Variants in TECRL observed in about 807,000 individuals in gnomAD.
TECRL encodes the protein trans-2,3-enoyl-CoA reductase like.
Under a neutral mutation model 52.8 loss-of-function variants are expected in TECRL, and 63 were observed. The ratio of observed to expected loss-of-function variants is 1.19; its 90% CI spans 0.97 to 1.47. The LOEUF (loss-of-function observed/expected upper bound fraction) is 1.47, where lower values mean the gene tolerates loss of function less well. Ranked by LOEUF, TECRL falls within the 40% of genes most tolerant of loss-of-function variation. The probability of loss-of-function intolerance (pLI) is 0.00; values close to 1 mark genes in which losing one functional copy is unlikely to be tolerated. For synonymous variants in TECRL, 164 were observed against 141.9 expected (o/e 1.16, Z -1.10); for missense variants, 482 against 429.6 (o/e 1.12, Z -1.08).
chr4:64,310,078 A>T lies in TECRL; in HGVS notation c.552-147T>A, dbSNP rs113340504. The T allele has an allele frequency of 3.1e-3, 1,647 of 536,970 alleles. 25 individuals carry two copies. The highest frequency in any genetic ancestry group is 0.029 in the African/African-American group (1,464 of 50,584). The allele number at this position is 536,970 out of a possible 1,614,324, so 33.3% of individuals were successfully genotyped here. A position where few individuals can be genotyped will look rare whatever the true frequency, so the allele number is the denominator to read the frequency against. The stretch of plus-strand genomic sequence containing the variant: ...AGCTAAAACACAAATACTTGCTTTA[A>T]TATTTTATTTTCACAATTTTCTAAA... On this transcript the variant is annotated intron_variant, in intron 5 of 11. Transcript: ENST00000381210.
At chr4:64,323,161 G>T (rs182319944) in intron 3 of TECRL, among the ~76,000 whole-genome samples, 5 of 151,822 alleles carry the variant, frequency 3.3e-5, no homozygotes, top group Admixed American at 3.3e-4. Flanking sequence ...AAACTTTGTC[G>T]AGCTGAGGTG....
chr4:64,286,134 C>T (rs1191653119), intron 9 of TECRL, among the ~76,000 whole-genome samples: 2 of 151,880 alleles, frequency 1.3e-5, no homozygotes, highest in African/African-American at 4.8e-5. Context: ...ACTAACCCCC[C>T]ACAAGGAAAA....
chr4:64,404,078 T>C (rs1724549132), intron 1 of TECRL, among the ~76,000 whole-genome samples: 1 of 152,002 alleles, frequency 6.6e-6, no homozygotes, highest in African/African-American at 2.4e-5. Flanking sequence ...AAGGTATAAT[T>C]TGTATGCACT....
intron 2 of TECRL, among the ~76,000 whole-genome samples, chr4:64,369,478 A>G (rs182721936): frequency 0.011 from 1,652 of 152,212 alleles, 10 homozygotes; most frequent in Non-Finnish European, 0.016. Context: ...TTTCTATTTG[A>G]AAATAAGGAT....
chr4:64,281,379 G>T, intron 10 of TECRL, 95 bp downstream of exon 10: 1 of 752,750 alleles, frequency 1.3e-6, no homozygotes, highest in Non-Finnish European at 2.2e-6. Context: ...TATTTTTCCT[G>T]TATATATTAA....
chr4:64,397,642 C>T (rs1289926754), intron 1 of TECRL: 1 of 151,896 alleles, frequency 6.6e-6, no homozygotes, highest in East Asian at 1.9e-4. Flanking sequence ...TTCTGGATGT[C>T]TCAGCCTCTT....
Position 64,309,826 on chromosome 4 carries a change from C to G in TECRL, c.657G>C (p.Met219Ile), listed in dbSNP as rs1724560537. The change falls in exon 6 of 12, where the codon ATG becomes ATC. Residue 219 changes from methionine (M) to isoleucine (I), a missense_variant and splice_region_variant. By Grantham distance (10) the Met-to-Ile change is conservative. Coordinates refer to ENST00000381210, the MANE Select transcript of TECRL (RefSeq NM_001010874.5). Reference protein sequence around the residue: ...AGHTPLKNLIMSCAFYWGFTS... With the variant: ...AGHTPLKNLIISCAFYWGFTS... Reference sequence around the variant, plus strand: ...TATTAAAAACACAAAGCATCCTCACCATTATCAAATTTTTCAAAGGTGTGT... The same window carrying G: ...TATTAAAAACACAAAGCATCCTCACGATTATCAAATTTTTCAAAGGTGTGT... 1 of 1,577,412 alleles carries G rather than the reference C, an allele frequency of 6.3e-7. No individual in the cohort carries two copies. Among genetic ancestry groups the G allele is most frequent in the African/African-American group, 1.4e-5 (1 of 74,006 alleles).
chr4:64,307,425 C>A (rs1259869228), intron 6 of TECRL, among the ~76,000 whole-genome samples: 1 of 152,110 alleles, frequency 6.6e-6, no homozygotes, highest in Non-Finnish European at 1.5e-5. Flanking sequence ...GTCACACTTG[C>A]ATCCACAGGT....
At chr4:64,348,725 TTGTC>T (rs766034882) in intron 2 of TECRL, among the ~76,000 whole-genome samples, 15 of 152,202 alleles carry the variant, frequency 9.9e-5, no homozygotes, top group African/African-American at 3.6e-4. Flanking sequence ...GGTCCATTCT[TTGTC>T]TGAGCAATCT....
chr4:64,376,305 T>C (rs905219640), intron 1 of TECRL, among the ~76,000 whole-genome samples: 2 of 151,888 alleles, frequency 1.3e-5, no homozygotes, highest in African/African-American at 4.8e-5. Flanking sequence ...AGTTATAAGA[T>C]TTAAGCCCTA....
At chr4:64,407,879 C>T (rs1724833505) in intron 1 of TECRL, among the ~76,000 whole-genome samples, 1 of 150,248 alleles carries the variant, frequency 6.7e-6, no homozygotes, top group Non-Finnish European at 1.5e-5. Context: ...CACCTTGATA[C>T]TAAAATAAAA....
intron 9 of TECRL, among the ~76,000 whole-genome samples, chr4:64,285,935 G>A (rs1018414235): frequency 2.6e-5 from 4 of 152,014 alleles, no homozygotes; most frequent in Non-Finnish European, 4.4e-5. Context: ...GAGAAGACAC[G>A]ATGAAAAACC....
Position 64,279,945 on chromosome 4 carries a change from A to G in TECRL, c.*127T>C, listed in dbSNP as rs1722733407. On this transcript the variant is annotated 3_prime_UTR_variant, in exon 12 of 12. Transcript: ENST00000381210. ...AAATTTAGTGAAATTTTACTATTTT[A>G]TATTTTTACTCAGTGTATATACTGT... 2 of 1,259,560 alleles carry G rather than the reference A, an allele frequency of 1.6e-6. No homozygotes were observed. The highest frequency in any genetic ancestry group is 2.0e-6 in the Non-Finnish European group (2 of 994,004). The allele number at this position is 1,259,560 out of a possible 1,614,324, so 78.0% of individuals were successfully genotyped here.
intron 2 of TECRL, among the ~76,000 whole-genome samples, chr4:64,357,329 A>G (rs1331083889): frequency 1.3e-5 from 2 of 151,964 alleles, no homozygotes; most frequent in African/African-American, 4.8e-5. Flanking sequence ...TATAATACTG[A>G]CAAAATAATA....
intron 2 of TECRL, among the ~76,000 whole-genome samples, chr4:64,352,405 T>G (rs528398954): frequency 1.3e-5 from 2 of 152,272 alleles, no homozygotes; most frequent in Non-Finnish European, 2.9e-5. Flanking sequence ...GATAGATAGA[T>G]TAGACAGATA....
At chr4:64,387,265 G>T (rs1024437557) in intron 1 of TECRL, among the ~76,000 whole-genome samples, 1 of 152,088 alleles carries the variant, frequency 6.6e-6, no homozygotes, top group Admixed American at 6.6e-5. Flanking sequence ...CTTTAGTGCT[G>T]AATAACATTC....
chr4:64,330,386 A>G (rs949034279), intron 2 of TECRL, among the ~76,000 whole-genome samples: 4 of 152,218 alleles, frequency 2.6e-5, no homozygotes, highest in Admixed American at 2.6e-4. Flanking sequence ...TGGTCATTGC[A>G]CATGTGGAAA....
chr4:64,393,489 T>G (rs1358679184), intron 1 of TECRL, among the ~76,000 whole-genome samples: 1 of 152,060 alleles, frequency 6.6e-6, no homozygotes, highest in Non-Finnish European at 1.5e-5. Context: ...ATTAATTGTA[T>G]AATAATTTTA....
intron 3 of TECRL, among the ~76,000 whole-genome samples, chr4:64,324,905 A>G (rs1009457873): frequency 1.3e-5 from 2 of 152,126 alleles, no homozygotes; most frequent in African/African-American, 4.8e-5. Context: ...CTACCTGTAT[A>G]ATCCCTGAGG....
Sources: gnomAD v4.1 joint callset for allele counts (sites outside exome capture counted in the v4.1 genomes callset) on GRCh38, gnomAD v4.1.1 for gene constraint, MANE v1.5 for transcripts, NCBI Gene and HGNC (gene_info 2026-07-23, HGNC 2026-07-21) for gene names.